ST6GALNAC3: variants seen among roughly 807,000 people sequenced by gnomAD.
ST6GALNAC3 encodes ST6 N-acetylgalactosaminide alpha-2,6-sialyltransferase 3, also known as alpha-N-acetylgalactosaminide alpha-2,6-sialyltransferase 3.
A neutral mutation model predicts 32.7 loss-of-function variants in ST6GALNAC3; 25 were observed. The observed-to-expected ratio is 0.76, with a 90% CI of 0.56 to 1.07. ST6GALNAC3 has a LOEUF of 1.07. Ranked by LOEUF, ST6GALNAC3 falls within the 50% of genes least tolerant of loss-of-function variation. The probability of loss-of-function intolerance (pLI) is 0.00; values close to 1 mark genes in which losing one functional copy is unlikely to be tolerated. For missense variants in ST6GALNAC3, 355 were observed against 382.4 expected (o/e 0.93, Z 0.60); for synonymous variants, 129 against 133.1 (o/e 0.97, Z 0.21).
chr1:76,362,844 T>G (rs920685375), intron 2 of ST6GALNAC3, among the ~76,000 whole-genome samples: 2 of 152,220 alleles, frequency 1.3e-5, no homozygotes, highest in African/African-American at 4.8e-5. Flanking sequence ...GGCTGCTCTC[T>G]TGGGCCAGTG....
At chr1:76,304,332 C>G (rs1660906949) in intron 1 of ST6GALNAC3, among the ~76,000 whole-genome samples, 1 of 152,090 alleles carries the variant, frequency 6.6e-6, no homozygotes, top group East Asian at 1.9e-4. Context: ...CCCTCCCTTC[C>G]TTTCTCCCTC....
rs560555293 is a variant in ST6GALNAC3 at position 76,477,475 on chromosome 1, G to A, written c.623+65058G>A. 3.3e-5 allele frequency among the ~76,000 whole-genome samples: 5 copies of A among 152,236 alleles called. No individual in the cohort carries two copies. The South Asian group carries it at 6.2e-4, about 19-fold the overall frequency. ...GAATGTAGATCCTGGAGCAAATTTG[G>A]TCAAGCAGCTTCCTTTGCTCCCATC... On this transcript the variant is annotated intron_variant, in intron 3 of 4. Transcript: ENST00000328299.
rs1649412720 is a variant in ST6GALNAC3, at chr1:76,633,823, A to C, written c.*5017A>C. 1 of 152,178 alleles carries C rather than the reference A, an allele frequency of 6.6e-6. No homozygotes were observed. The highest frequency in any genetic ancestry group is 2.4e-5 in the African/African-American group (1 of 41,444). 9.4% of individuals were successfully genotyped at this position (152,178 alleles called of 1,614,324 possible). A position where few individuals can be genotyped will look rare whatever the true frequency, so the allele number is the denominator to read the frequency against. On this transcript the variant is annotated 3_prime_UTR_variant, in exon 5 of 5. Coordinates refer to ENST00000328299, the MANE Select transcript of ST6GALNAC3 (RefSeq NM_152996.4). ...AAGGATTTTTTTTTCTCTACAGTCC[A>C]TTTATATGATACTGTTAGAAGTGAA...
intron 1 of ST6GALNAC3, among the ~76,000 whole-genome samples, chr1:76,171,130 A>G (rs756560129): frequency 1.5e-5 from 2 of 137,872 alleles, no homozygotes; most frequent in Non-Finnish European, 3.3e-5. Flanking sequence ...TGCTGAAGAT[A>G]GTATTATCCC....
chr1:76,281,020 A>G (rs1436026032), intron 1 of ST6GALNAC3, among the ~76,000 whole-genome samples: 4 of 152,192 alleles, frequency 2.6e-5, no homozygotes, highest in Non-Finnish European at 5.9e-5. Flanking sequence ...CTTCAATATC[A>G]TCATAGTCTT....
intron 2 of ST6GALNAC3, among the ~76,000 whole-genome samples, chr1:76,318,538 A>G (rs1402917030): frequency 6.6e-6 from 1 of 152,114 alleles, no homozygotes; most frequent in Non-Finnish European, 1.5e-5. Context: ...TTGGATCAGG[A>G]GTGATTTAGA....
chr1:76,329,451 G>A (rs1326475759), intron 2 of ST6GALNAC3, among the ~76,000 whole-genome samples: 1 of 152,232 alleles, frequency 6.6e-6, no homozygotes, highest in South Asian at 2.1e-4. Flanking sequence ...AGAAAAAGAT[G>A]TTTGAAAAAT....
At chr1:76,482,406 T>C (rs891244438) in intron 3 of ST6GALNAC3, among the ~76,000 whole-genome samples, 1 of 152,130 alleles carries the variant, frequency 6.6e-6, no homozygotes, top group African/African-American at 2.4e-5. Flanking sequence ...ACCACAACAT[T>C]TGTGGTAAGT....
At chr1:76,522,383 T>C (rs1386028526) in intron 3 of ST6GALNAC3, among the ~76,000 whole-genome samples, 1 of 152,140 alleles carries the variant, frequency 6.6e-6, no homozygotes, top group African/African-American at 2.4e-5. Flanking sequence ...ATATAGTTTC[T>C]TTCCAATTAT....
rs564131991 is a variant in ST6GALNAC3, at chr1:76,629,281, G to A, written c.*475G>A. The A allele has an allele frequency of 5.7e-5, 56 of 988,754 alleles. No individual in the cohort carries two copies. The highest frequency in any genetic ancestry group is 6.6e-5 in the Non-Finnish European group (55 of 832,580). 61.2% of individuals were successfully genotyped at this position (988,754 alleles called of 1,614,324 possible). On this transcript the variant is annotated 3_prime_UTR_variant, in exon 5 of 5. Transcript: ENST00000328299. ...AACACTGACCCAAGAACTGCTATCA[G>A]GGTGCAAGTATCTTACTACTTAGCC...
intron 3 of ST6GALNAC3, among the ~76,000 whole-genome samples, chr1:76,529,521 A>G (rs985121402): frequency 3.9e-5 from 6 of 152,288 alleles, no homozygotes; most frequent in Non-Finnish European, 7.4e-5. Context: ...TTAATTTTCA[A>G]CAGCACTGTT....
In ST6GALNAC3 at chr1:76,633,592, T is replaced by C. The variant is rs748628910; in HGVS notation, c.*4786T>C. ...CTGGTGAAACTGGCAGGCCCTGTTG[T>C]TGACATTTCCCCAGAGCTAAAATGT... On this transcript the variant is annotated 3_prime_UTR_variant, in exon 5 of 5. Coordinates refer to ENST00000328299, the MANE Select transcript of ST6GALNAC3 (RefSeq NM_152996.4). 7.9e-5 allele frequency: 12 copies of C among 152,168 alleles called. No homozygotes were observed. Among genetic ancestry groups the C allele is most frequent in the Non-Finnish European group, 1.6e-4 (11 of 68,034 alleles). 9.4% of individuals were successfully genotyped at this position (152,168 alleles called of 1,614,324 possible).
At chr1:76,200,364 C>T (rs186514981) in intron 1 of ST6GALNAC3, among the ~76,000 whole-genome samples, 79 of 152,262 alleles carry the variant, frequency 5.2e-4, no homozygotes, top group African/African-American at 1.9e-3. Flanking sequence ...CCAGTCATTC[C>T]TGGTGCGCTG....
At chr1:76,581,181 C>A (rs1646887359) in intron 3 of ST6GALNAC3, among the ~76,000 whole-genome samples, 2 of 152,070 alleles carry the variant, frequency 1.3e-5, no homozygotes, top group Middle Eastern at 3.4e-3. Context: ...AACAAGTAAT[C>A]CTCATCTTCT....
At chr1:76,606,500 G>T (rs1030371922) in intron 3 of ST6GALNAC3, among the ~76,000 whole-genome samples, 1 of 152,092 alleles carries the variant, frequency 6.6e-6, no homozygotes, top group African/African-American at 2.4e-5. Context: ...TCACTTATAA[G>T]TGGGAGCTGA....
At chr1:76,584,722 C>T (rs1181093449) in intron 3 of ST6GALNAC3, among the ~76,000 whole-genome samples, 1 of 152,180 alleles carries the variant, frequency 6.6e-6, no homozygotes, top group African/African-American at 2.4e-5. Flanking sequence ...ATGAGTCATG[C>T]TAGCTCTAAA....
At chr1:76,264,612 A>G (rs1308919844) in intron 1 of ST6GALNAC3, among the ~76,000 whole-genome samples, 1 of 152,200 alleles carries the variant, frequency 6.6e-6, no homozygotes, top group Non-Finnish European at 1.5e-5. Flanking sequence ...CCAGTGGAGT[A>G]GCTCAGTAGG....
At chr1:76,256,174 G>C (rs923651317) in intron 1 of ST6GALNAC3, among the ~76,000 whole-genome samples, 2 of 152,050 alleles carry the variant, frequency 1.3e-5, no homozygotes, top group African/African-American at 2.4e-5. Context: ...CATCTGCACT[G>C]TTTGACATGT....
chr1:76,454,572 C>G (rs1657637463), intron 3 of ST6GALNAC3, among the ~76,000 whole-genome samples: 1 of 152,068 alleles, frequency 6.6e-6, no homozygotes, highest in African/African-American at 2.4e-5. Flanking sequence ...AAATTCTTGG[C>G]TGATAGTTGT....
Sources: allele counts gnomAD v4.1 joint callset (sites outside exome capture counted in the v4.1 genomes callset), GRCh38; gene constraint gnomAD v4.1.1; transcripts MANE v1.5; gene names NCBI Gene and HGNC (gene_info 2026-07-23, HGNC 2026-07-21).